TJP1: variants seen among roughly 807,000 people sequenced by gnomAD.
The protein encoded by TJP1 is tight junction protein 1, also known as tight junction protein ZO-1.
In TJP1, 43 loss-of-function variants were observed where a neutral mutation model predicts 194.2. That is an observed-to-expected ratio of 0.22 (90% confidence interval 0.17 to 0.29). The LOEUF is 0.29. TJP1 is among the 10% of genes least tolerant of loss of function. TJP1 has a pLI of 1.00. For synonymous variants in TJP1, 801 were observed against 779.0 expected (o/e 1.03, Z -0.47); for missense variants, 1,971 against 2,185.7 (o/e 0.90, Z 1.96).
chr15:29,814,751 T>C (rs1013363290), intron 1 of TJP1, among the ~76,000 whole-genome samples: 4 of 152,220 alleles, frequency 2.6e-5, no homozygotes, highest in African/African-American at 9.6e-5. Flanking sequence ...TTTTACCTCC[T>C]TTCCGGACAT....
At chr15:29,748,969 C>CGT (rs1566949882) in intron 8 of TJP1, among the ~76,000 whole-genome samples, 790 of 22,146 alleles carry the variant, frequency 0.036, 10 homozygotes, top group African/African-American at 0.052. Context: ...TGTGTGCGCG[C>CGT]GCGCGTTTGC....
intron 27 of TJP1, among the ~76,000 whole-genome samples, chr15:29,703,927 G>C (rs1310716856): frequency 6.6e-6 from 1 of 152,194 alleles, no homozygotes; most frequent in African/African-American, 2.4e-5. Context: ...ACAGGCATGA[G>C]CCACGGCGCC....
intron 2 of TJP1, among the ~76,000 whole-genome samples, chr15:29,927,022 A>C (rs1346828671): frequency 6.6e-6 from 1 of 152,198 alleles, no homozygotes; most frequent in African/African-American, 2.4e-5. Flanking sequence ...ATTATTAAAG[A>C]CCCAAAGAAA....
At chr15:29,913,199 A>AAG (rs58147643) in intron 2 of TJP1, among the ~76,000 whole-genome samples, 17,397 of 151,730 alleles carry the variant, frequency 0.11, 1,184 homozygotes, top group East Asian at 0.25. Flanking sequence ...CAAAAAAAAA[A>AAG]GGGGGTAGAA....
At chr15:29,780,258 G>C (rs999776607) in intron 2 of TJP1, among the ~76,000 whole-genome samples, 2 of 151,910 alleles carry the variant, frequency 1.3e-5, no homozygotes, top group African/African-American at 4.8e-5. Context: ...GAATCAGTGG[G>C]AGCCCTGAGC....
chr15:29,943,734 AG>A (rs2152287972), intron 2 of TJP1, among the ~76,000 whole-genome samples: 1 of 150,394 alleles, frequency 6.6e-6, no homozygotes, highest in East Asian at 2.0e-4. Context: ...AGATCATCTG[AG>A]GTCAGGAGTT....
chr15:29,723,438 C>G (rs186626316), intron 18 of TJP1, among the ~76,000 whole-genome samples: 3 of 152,280 alleles, frequency 2.0e-5, no homozygotes, highest in African/African-American at 7.2e-5. Context: ...ATGCTTTTTC[C>G]CCTTCACTGT....
intron 24 of TJP1, 84 bp from the exon 25 acceptor site, chr15:29,709,120 G>A: frequency 7.4e-7 from 1 of 1,348,652 alleles, no homozygotes. Flanking sequence ...CCTGGTGCTG[G>A]AGTCGAGGCC....
intron 2 of TJP1, among the ~76,000 whole-genome samples, chr15:29,778,839 C>T (rs1187065583): frequency 6.6e-6 from 1 of 152,178 alleles, no homozygotes; most frequent in African/African-American, 2.4e-5. Flanking sequence ...CCTTGGCTTT[C>T]ACAGAAGTGG....
intron 8 of TJP1, among the ~76,000 whole-genome samples, chr15:29,758,350 A>G (rs2045783446): frequency 6.6e-6 from 1 of 152,026 alleles, no homozygotes; most frequent in Non-Finnish European, 1.5e-5. Flanking sequence ...AAGCTCCCAT[A>G]TTACTGGTGC....
intron 2 of TJP1, among the ~76,000 whole-genome samples, chr15:29,788,196 T>G (rs1183395295): frequency 6.6e-6 from 1 of 152,210 alleles, no homozygotes; most frequent in Non-Finnish European, 1.5e-5. Context: ...TCTTTATATA[T>G]TCTAGAAACA....
rs755511345 is a variant in TJP1 at position 29,766,309 on chromosome 15, A to G, written c.546T>C (p.Ala182=). The G allele has an allele frequency of 1.4e-5, 23 of 1,614,100 alleles. No individual in the cohort carries two copies. Among genetic ancestry groups the G allele is most frequent in the Non-Finnish European group, 1.9e-5 (22 of 1,180,034 alleles). ...DRRSVASSQP[A]KPTKVTLVKS... ...TCACCAGTGTGACTTTAGTAGGTTT[A>G]GCAGGCTGGCTGGAAGCCACTGACC... The change falls in exon 5 of 28, where the codon GCT becomes GCC. Residue 182 remains alanine (A), a synonymous_variant. Coordinates refer to ENST00000614355, the MANE Select transcript of TJP1 (RefSeq NM_001330239.4).
intron 15 of TJP1, chr15:29,732,175 G>A (rs1007529842): frequency 6.6e-6 from 3 of 453,404 alleles, no homozygotes; most frequent in African/African-American, 2.0e-5. Flanking sequence ...GCATGACTGG[G>A]AGGATTCAAT....
At chr15:29,866,924 A>G (rs2052325314) in intron 2 of TJP1, among the ~76,000 whole-genome samples, 1 of 152,170 alleles carries the variant, frequency 6.6e-6, no homozygotes, top group East Asian at 1.9e-4. Context: ...CACAAGAGCC[A>G]CCGTCACCCT....
intron 2 of TJP1, among the ~76,000 whole-genome samples, chr15:29,827,707 C>A (rs770126775): frequency 2.0e-5 from 3 of 152,116 alleles, no homozygotes; most frequent in Non-Finnish European, 2.9e-5. Context: ...TGAAATAGTG[C>A]ATAAAAAACA....
chr15:29,858,071 A>T (rs2051929589), intron 2 of TJP1, among the ~76,000 whole-genome samples: 1 of 151,988 alleles, frequency 6.6e-6, no homozygotes, highest in Non-Finnish European at 1.5e-5. Context: ...CCTAAAGATG[A>T]CCCCATTTCT....
intron 1 of TJP1, among the ~76,000 whole-genome samples, 171 bp downstream of exon 1, chr15:29,821,831 C>T (rs1382262375): frequency 6.9e-6 from 1 of 144,730 alleles, no homozygotes; most frequent in Non-Finnish European, 1.5e-5. Flanking sequence ...GCCCGAGGGG[C>T]TCCCCGCGGC....
At chr15:29,758,690 C>T (rs546503290) in intron 8 of TJP1, among the ~76,000 whole-genome samples, 2 of 152,248 alleles carry the variant, frequency 1.3e-5, no homozygotes, top group South Asian at 4.1e-4. Context: ...ATCAAAGGTG[C>T]TATATCACTG....
intron 2 of TJP1, among the ~76,000 whole-genome samples, chr15:29,783,590 A>C (rs1009121303): frequency 6.6e-6 from 1 of 152,224 alleles, no homozygotes; most frequent in Admixed American, 6.5e-5. Context: ...CCATCAACGA[A>C]AGACTAGATG....
Sources: allele counts gnomAD v4.1 joint callset (sites outside exome capture counted in the v4.1 genomes callset), GRCh38; gene constraint gnomAD v4.1.1; transcripts MANE v1.5; gene names NCBI Gene and HGNC (gene_info 2026-07-23, HGNC 2026-07-21).